Variants in GMDS observed in about 807,000 individuals in gnomAD.
The protein encoded by GMDS is GDP-mannose 4,6-dehydratase.
Under a neutral mutation model 49.9 loss-of-function variants are expected in GMDS, and 20 were observed. That is an observed-to-expected ratio of 0.40 (90% confidence interval 0.28 to 0.58). GMDS has a LOEUF of 0.58. Ranked by LOEUF, GMDS falls within the 20% of genes least tolerant of loss-of-function variation. GMDS has a pLI of 0.42. For missense variants in GMDS, 362 were observed against 481.4 expected, an observed-to-expected ratio of 0.75 and a Z score of 2.32; for synonymous variants, 177 against 178.6, an observed-to-expected ratio of 0.99 and a Z score of 0.07.
chr6:1,769,563 G>A (rs568330882), intron 7 of GMDS, among the ~76,000 whole-genome samples: 5 of 152,204 alleles, frequency 3.3e-5, no homozygotes, highest in Admixed American at 1.3e-4. Flanking sequence ...GCCACTTAAC[G>A]AGGCTATTAA....
chr6:1,948,707 T>A (rs1763200956), intron 6 of GMDS, among the ~76,000 whole-genome samples: 2 of 152,204 alleles, frequency 1.3e-5, no homozygotes, highest in Non-Finnish European at 2.9e-5. Context: ...TTCTTAAGAA[T>A]CTTTCACACG....
At chr6:2,037,575 C>T (rs1769377062) in intron 4 of GMDS, among the ~76,000 whole-genome samples, 1 of 152,178 alleles carries the variant, frequency 6.6e-6, no homozygotes, top group Non-Finnish European at 1.5e-5. Context: ...GTGCCCAGAA[C>T]AAGAAACCAA....
rs1418442949 is a variant in GMDS, at chr6:1,689,539, G to T, written c.987+36877C>A. 2.6e-5 allele frequency among the ~76,000 whole-genome samples: 4 copies of T among 152,154 alleles called. No individual in the cohort carries two copies. The East Asian group carries it at 7.7e-4, about 29-fold the overall frequency. On this transcript the variant is annotated intron_variant, in intron 9 of 10. Transcript: ENST00000380815. Reference sequence around the variant, plus strand: ...GAATCAGATACATTTGTATCTTCTGGTATAAGACAATGGATATTAGGAGTA... The same window carrying T: ...GAATCAGATACATTTGTATCTTCTGTTATAAGACAATGGATATTAGGAGTA...
intron 1 of GMDS, among the ~76,000 whole-genome samples, chr6:2,197,177 T>C (rs1273338755): frequency 6.6e-6 from 1 of 152,238 alleles, no homozygotes; most frequent in Non-Finnish European, 1.5e-5. Context: ...TTCCCATTAC[T>C]GGCTTTAGTA....
intron 8 of GMDS, among the ~76,000 whole-genome samples, chr6:1,734,819 G>A (rs907236046): frequency 2.6e-5 from 4 of 152,200 alleles, no homozygotes; most frequent in South Asian, 2.1e-4. Context: ...AAAGCCTTGC[G>A]AGGTGGTGCT....
At chr6:1,991,412 AAC>A (rs2127363613) in intron 4 of GMDS, among the ~76,000 whole-genome samples, 2 of 152,136 alleles carry the variant, frequency 1.3e-5, no homozygotes, top group South Asian at 4.2e-4. Context: ...TTCATTGTCA[AAC>A]ACCTTAGAAA....
At chr6:1,872,200 C>CG (rs1463432919) in intron 7 of GMDS, among the ~76,000 whole-genome samples, 1 of 152,212 alleles carries the variant, frequency 6.6e-6, no homozygotes, top group Admixed American at 6.5e-5. Flanking sequence ...CAGTGCTGAG[C>CG]GTAGCTGGGC....
chr6:2,133,011 C>T lies in GMDS; in HGVS notation c.103-8280G>A, dbSNP rs530897838. The stretch of plus-strand genomic sequence containing the variant: ...GATGAAAAATAAAATTAGAGTTCCT[C>T]TCTCCTCCCTTTCTCACTATCTCTC... On this transcript the variant is annotated intron_variant, in intron 1 of 10. Coordinates refer to ENST00000380815, the MANE Select transcript of GMDS (RefSeq NM_001500.4). Among the ~76,000 whole-genome samples the T allele has an allele frequency of 2.4e-3, 371 of 152,274 alleles. 2 individuals carry two copies. Among genetic ancestry groups the T allele is most frequent in the African/African-American group, 8.6e-3 (356 of 41,568 alleles).
intron 4 of GMDS, among the ~76,000 whole-genome samples, chr6:2,090,819 A>G (rs1773276857): frequency 6.6e-6 from 1 of 152,212 alleles, no homozygotes; most frequent in African/African-American, 2.4e-5. Flanking sequence ...GAGTCTCATC[A>G]CTTATTAGTT....
chr6:1,864,722 G>A (rs944666781), intron 7 of GMDS, among the ~76,000 whole-genome samples: 3 of 152,248 alleles, frequency 2.0e-5, no homozygotes, highest in Admixed American at 6.5e-5. Context: ...CCGCCTCACT[G>A]CCTATCGCCT....
chr6:1,742,172 G>A (rs534225114), intron 8 of GMDS, among the ~76,000 whole-genome samples: 38 of 151,960 alleles, frequency 2.5e-4, no homozygotes, highest in Admixed American at 5.2e-4. Flanking sequence ...CTCCTGTCTC[G>A]GCTTCCCAAA....
chr6:1,931,450 G>A (rs1024113482), intron 6 of GMDS, among the ~76,000 whole-genome samples: 4 of 152,134 alleles, frequency 2.6e-5, no homozygotes, highest in African/African-American at 9.7e-5. Context: ...TGGGACTACC[G>A]TGGAAATCCA....
intron 9 of GMDS, among the ~76,000 whole-genome samples, chr6:1,656,588 C>T (rs574165599): frequency 3.0e-4 from 45 of 152,044 alleles, no homozygotes; most frequent in African/African-American, 1.1e-3. Flanking sequence ...ATGGTGAAAC[C>T]CCGTCTCTAC....
chr6:1,759,553 C>A (rs1768082431), intron 7 of GMDS, among the ~76,000 whole-genome samples: 1 of 152,162 alleles, frequency 6.6e-6, no homozygotes, highest in African/African-American at 2.4e-5. Flanking sequence ...AACCTGGGGA[C>A]CTGACCAGAC....
At chr6:2,064,684 G>C (rs1400951044) in intron 4 of GMDS, among the ~76,000 whole-genome samples, 1 of 152,138 alleles carries the variant, frequency 6.6e-6, no homozygotes, top group Non-Finnish European at 1.5e-5. Context: ...CCCGACACAA[G>C]GCCTGATGTT....
At chr6:1,891,544 T>C (rs776985713) in intron 7 of GMDS, among the ~76,000 whole-genome samples, 1 of 152,220 alleles carries the variant, frequency 6.6e-6, no homozygotes, top group Non-Finnish European at 1.5e-5. Context: ...TGCCACTTAG[T>C]ATTAAGTACT....
intron 4 of GMDS, among the ~76,000 whole-genome samples, chr6:2,106,603 C>T (rs1475817161): frequency 2.0e-5 from 3 of 152,096 alleles, no homozygotes; most frequent in African/African-American, 7.2e-5. Flanking sequence ...TGGCTCATAC[C>T]TGTAATCCTA....
At chr6:2,209,564 TACACATAC>T (rs1400868513) in intron 1 of GMDS, among the ~76,000 whole-genome samples, 41 of 112,924 alleles carry the variant, frequency 3.6e-4, no homozygotes, top group African/African-American at 1.5e-3. Context: ...TACATACACA[TACACATAC>T]ACACACACAC....
chr6:1,875,982 C>T (rs185910733), intron 7 of GMDS, among the ~76,000 whole-genome samples: 2 of 148,064 alleles, frequency 1.4e-5, no homozygotes, highest in East Asian at 3.9e-4. Context: ...CGTGCCATTG[C>T]ACTCCAGCCT....
Sources: gnomAD v4.1 joint callset for allele counts (sites outside exome capture counted in the v4.1 genomes callset) on GRCh38, gnomAD v4.1.1 for gene constraint, MANE v1.5 for transcripts, NCBI Gene and HGNC (gene_info 2026-07-23, HGNC 2026-07-21) for gene names.